The following BABAM2 variants were observed in gnomAD, a reference collection of about 807,000 sequenced individuals.
BABAM2 encodes BRISC and BRCA1 A complex member 2.
Under a neutral mutation model 54.7 loss-of-function variants are expected in BABAM2, and 31 were observed. That is an observed-to-expected ratio of 0.57 (90% confidence interval 0.43 to 0.77). The LOEUF (loss-of-function observed/expected upper bound fraction) is 0.77, where lower values mean the gene tolerates loss of function less well. BABAM2 is among the 30% of genes least tolerant of loss of function. BABAM2 has a pLI of 0.00. For missense variants in BABAM2, 364 were observed against 455.8 expected, an observed-to-expected ratio of 0.80 and a Z score of 1.83; for synonymous variants, 167 against 162.9, an observed-to-expected ratio of 1.03 and a Z score of -0.19.
At chr2:28,237,069 A>C in intron 7 of BABAM2, 133 bp from the exon 8 acceptor site, 1 of 687,112 alleles carries the variant, frequency 1.5e-6, no homozygotes, top group Non-Finnish European at 2.6e-6. Context: ...AGTGAAGCCC[A>C]TATACCCATC....
chr2:27,913,687 C>T (rs1218303063), intron 2 of BABAM2, among the ~76,000 whole-genome samples: 2 of 152,096 alleles, frequency 1.3e-5, no homozygotes, highest in Non-Finnish European at 2.9e-5. Context: ...TCTACACACA[C>T]CAAAGAATGG....
At chr2:28,327,337 A>C (rs1348372950) in intron 11 of BABAM2, 1 of 1,613,736 alleles carries the variant, frequency 6.2e-7, no homozygotes, top group African/African-American at 1.3e-5. Flanking sequence ...TTGCAGTTGC[A>C]AAAACTGGCT....
intron 6 of BABAM2, among the ~76,000 whole-genome samples, chr2:28,070,968 G>A (rs1156795452): frequency 1.3e-5 from 2 of 152,038 alleles, no homozygotes. Context: ...ACCACTTACT[G>A]TGTAACCTTG....
chr2:28,160,429 TTCTTCTGTTCAGTCAGCCACA>T (rs1221949182), intron 7 of BABAM2, among the ~76,000 whole-genome samples: 1 of 152,222 alleles, frequency 6.6e-6, no homozygotes, highest in Non-Finnish European at 1.5e-5. Flanking sequence ...TGAGAACATT[TTCTTCTGTTCAGTCAGCCACA>T]GCATTAGGCT....
intron 10 of BABAM2, among the ~76,000 whole-genome samples, chr2:28,277,511 A>C (rs1318527647): frequency 6.6e-6 from 1 of 152,224 alleles, no homozygotes; most frequent in Non-Finnish European, 1.5e-5. Flanking sequence ...TATTTGCCAA[A>C]GAAACATGGA....
chr2:28,060,868 G>A (rs1678800002), intron 6 of BABAM2, among the ~76,000 whole-genome samples: 3 of 152,094 alleles, frequency 2.0e-5, no homozygotes, highest in Non-Finnish European at 2.9e-5. Flanking sequence ...TTCATATGCT[G>A]GAAGACTTAA....
chr2:28,202,245 A>T (rs1473243400), intron 7 of BABAM2, among the ~76,000 whole-genome samples: 2 of 152,146 alleles, frequency 1.3e-5, no homozygotes, highest in African/African-American at 2.4e-5. Flanking sequence ...CGGGGTACTG[A>T]CTGTGTTCCT....
intron 7 of BABAM2, among the ~76,000 whole-genome samples, chr2:28,214,670 A>G (rs955992667): frequency 7.9e-5 from 12 of 152,108 alleles, no homozygotes; most frequent in African/African-American, 2.7e-4. Context: ...TCCCAATCCT[A>G]GGTGGGGAAA....
chr2:28,178,699 G>T (rs375744491), intron 7 of BABAM2, among the ~76,000 whole-genome samples: 1 of 148,250 alleles, frequency 6.7e-6, no homozygotes, highest in South Asian at 2.1e-4. Context: ...TAAAACAAAG[G>T]TTTTTTTTTT....
intron 10 of BABAM2, among the ~76,000 whole-genome samples, chr2:28,290,885 A>G (rs1337204302): frequency 1.3e-5 from 2 of 152,232 alleles, no homozygotes; most frequent in African/African-American, 4.8e-5. Context: ...GTTTAGAAAG[A>G]TTTTCATCAA....
intron 10 of BABAM2, among the ~76,000 whole-genome samples, chr2:28,247,621 C>T (rs953613513): frequency 1.2e-4 from 19 of 152,138 alleles, no homozygotes; most frequent in Admixed American, 3.3e-4. Context: ...GAAATAGAGC[C>T]ATTCCCCTGT....
At chr2:28,017,636 A>G (rs541829660) in intron 4 of BABAM2, among the ~76,000 whole-genome samples, 141 of 152,366 alleles carry the variant, frequency 9.3e-4, no homozygotes, top group African/African-American at 3.3e-3. Context: ...CATTCTAATC[A>G]TTCCCAAAAA....
At chr2:27,913,015 C>T (rs1006950730) in intron 2 of BABAM2, among the ~76,000 whole-genome samples, 2 of 152,136 alleles carry the variant, frequency 1.3e-5, no homozygotes, top group African/African-American at 4.8e-5. Context: ...AGCTTATCTT[C>T]ATATCCAAGG....
At chr2:27,905,155 C>T (rs1056342682) in intron 2 of BABAM2, among the ~76,000 whole-genome samples, 2 of 152,086 alleles carry the variant, frequency 1.3e-5, no homozygotes, top group African/African-American at 4.8e-5. Context: ...TTTATCAGAA[C>T]ACTTAAGATG....
chr2:28,065,155 C>T (rs910902650), intron 6 of BABAM2, among the ~76,000 whole-genome samples: 2 of 152,134 alleles, frequency 1.3e-5, no homozygotes, highest in African/African-American at 4.8e-5. Context: ...AAAGCTATCC[C>T]AAATTAAAAT....
chr2:28,100,845 G>A (rs896259799), intron 6 of BABAM2, among the ~76,000 whole-genome samples: 1 of 152,202 alleles, frequency 6.6e-6, no homozygotes, highest in African/African-American at 2.4e-5. Context: ...CTGGCCAGGA[G>A]CGAGTAGGTT....
At chr2:28,076,591 G>A (rs965752267) in intron 6 of BABAM2, among the ~76,000 whole-genome samples, 2 of 152,006 alleles carry the variant, frequency 1.3e-5, no homozygotes, top group African/African-American at 2.4e-5. Context: ...TGCCTCCCGG[G>A]TTCGTGCCAT....
chr2:27,956,481 G>A (rs1394580018), intron 3 of BABAM2, among the ~76,000 whole-genome samples: 1 of 152,104 alleles, frequency 6.6e-6, no homozygotes, highest in Non-Finnish European at 1.5e-5. Context: ...TTAAATTCTA[G>A]GAGCAAGAAT....
intron 10 of BABAM2, among the ~76,000 whole-genome samples, chr2:28,293,489 G>T (rs1687452684): frequency 6.6e-6 from 1 of 152,200 alleles, no homozygotes; most frequent in Admixed American, 6.5e-5. Flanking sequence ...TTCCCCCAAA[G>T]CTGCATGGTT....
Sources: allele counts gnomAD v4.1 joint callset (sites outside exome capture counted in the v4.1 genomes callset), GRCh38; gene constraint gnomAD v4.1.1; transcripts MANE v1.5; gene names NCBI Gene and HGNC (gene_info 2026-07-23, HGNC 2026-07-21).